Variants in CCDC170 observed in about 807,000 individuals in gnomAD.
CCDC170 encodes coiled-coil domain-containing protein 170.
Under a neutral mutation model 72.6 loss-of-function variants are expected in CCDC170, and 69 were observed. That is an observed-to-expected ratio of 0.95 (90% confidence interval 0.78 to 1.16). The LOEUF is 1.16. CCDC170 is among the 50% of genes most tolerant of loss of function. The pLI is 0.00. For synonymous variants in CCDC170, 300 were observed against 303.9 expected (o/e 0.99, Z 0.13); for missense variants, 852 against 832.5 (o/e 1.02, Z -0.29).
chr6:151,556,419 C>T (rs1782975978), intron 5 of CCDC170, among the ~76,000 whole-genome samples: 1 of 152,352 alleles, frequency 6.6e-6, no homozygotes, highest in South Asian at 2.1e-4. Flanking sequence ...TGAGCCACTG[C>T]ACTCTAGCCT....
chr6:151,506,928 T>C (rs1562265655), intron 1 of CCDC170, among the ~76,000 whole-genome samples: 2 of 152,242 alleles, frequency 1.3e-5, no homozygotes, highest in East Asian at 1.9e-4. Context: ...GTCTCGGGGC[T>C]GCTGGCCTGT....
In CCDC170 at chr6:151,499,583, G is replaced by T. The variant is rs574798931; in HGVS notation, c.57+5398G>T. On this transcript the variant is annotated intron_variant, in intron 1 of 10. Coordinates refer to ENST00000239374, the MANE Select transcript of CCDC170 (RefSeq NM_025059.4). The stretch of plus-strand genomic sequence containing the variant: ...TACTGTATTTGACTATTCTAGGCAC[G>T]CTGTATAAGTGGAATCAGACCGTAT... 9.7e-4 allele frequency among the ~76,000 whole-genome samples: 99 copies of T among 102,254 alleles called. 11 individuals are homozygous for T. The highest frequency in any genetic ancestry group is 2.2e-3 in the South Asian group (7 of 3,244). 67.1% of individuals were successfully genotyped at this position (102,254 alleles called of 152,430 possible).
At chr6:151,548,716 T>TTTAA (rs35886070) in intron 5 of CCDC170, among the ~76,000 whole-genome samples, 90,886 of 149,774 alleles carry the variant, frequency 0.61, 29,945 homozygotes, top group Admixed American at 0.72. Context: ...TAATTTAAAT[T>TTTAA]TTAATTAATT....
At chr6:151,511,587 C>A (rs148643656) in intron 1 of CCDC170, among the ~76,000 whole-genome samples, 14 of 152,280 alleles carry the variant, frequency 9.2e-5, no homozygotes, top group Admixed American at 2.6e-4. Context: ...AACACACAAC[C>A]TTGTAGCTGA....
At chr6:151,613,272 G>A (rs773878740) in intron 9 of CCDC170, among the ~76,000 whole-genome samples, 11 of 152,170 alleles carry the variant, frequency 7.2e-5, no homozygotes, top group South Asian at 2.1e-4. Flanking sequence ...GCATGGTGGC[G>A]CACACCTGTA....
intron 5 of CCDC170, among the ~76,000 whole-genome samples, chr6:151,552,975 A>T (rs892867297): frequency 4.0e-5 from 6 of 151,362 alleles, no homozygotes; most frequent in African/African-American, 1.5e-4. Context: ...TTTAGTAGAG[A>T]GAGGTTTCAC....
intron 6 of CCDC170, among the ~76,000 whole-genome samples, chr6:151,582,986 CTTTTTTTTTT>C (rs35947074): frequency 1.1e-5 from 1 of 94,234 alleles, no homozygotes; most frequent in Non-Finnish European, 1.9e-5. Context: ...TGGAGTAGCA[CTTTTTTTTTT>C]TTTTTTTTTT....
rs567991476 is a variant in CCDC170, at chr6:151,579,856, T to C, written c.1093-6033T>C. Among the ~76,000 whole-genome samples, 7 of 152,358 alleles carry C rather than the reference T, an allele frequency of 4.6e-5. No individual in the cohort carries two copies. In the South Asian group the frequency reaches 1.5e-3, roughly 32 times the overall value. ...TGAACTTCAATATGGTGTGAAATAC[T>C]GTAAATTATCTAAATCAGCTCATTG... On this transcript the variant is annotated intron_variant, in intron 6 of 10. Coordinates refer to ENST00000239374, the MANE Select transcript of CCDC170 (RefSeq NM_025059.4).
intron 1 of CCDC170, 85 bp downstream of exon 1, chr6:151,494,270 C>A: frequency 7.5e-7 from 1 of 1,333,016 alleles, no homozygotes; most frequent in Non-Finnish European, 9.9e-7. Context: ...TGATTTGCAC[C>A]CTTTTCCTCC....
At chr6:151,589,295 C>A (rs951631162) in intron 7 of CCDC170, among the ~76,000 whole-genome samples, 1 of 152,020 alleles carries the variant, frequency 6.6e-6, no homozygotes, top group Admixed American at 6.6e-5. Flanking sequence ...AAAACAACCA[C>A]GACCAAACAA....
At chr6:151,554,369 C>A (rs1052345500) in intron 5 of CCDC170, among the ~76,000 whole-genome samples, 10 of 152,284 alleles carry the variant, frequency 6.6e-5, no homozygotes, top group Admixed American at 3.3e-4. Context: ...GTCAGGCAGG[C>A]CTGGATTTGC....
chr6:151,512,630 CT>C (rs1006047124), intron 1 of CCDC170, among the ~76,000 whole-genome samples: 3 of 152,034 alleles, frequency 2.0e-5, no homozygotes, highest in African/African-American at 7.3e-5. Flanking sequence ...CCTGTGGGTC[CT>C]TGGGTAAGCC....
intron 6 of CCDC170, among the ~76,000 whole-genome samples, chr6:151,578,736 A>C (rs1447584929): frequency 6.6e-6 from 1 of 152,176 alleles, no homozygotes; most frequent in Non-Finnish European, 1.5e-5. Context: ...GGGAAGGAGG[A>C]TTTGGTCGAC....
At chr6:151,605,040 T>C (rs1250675866) in intron 9 of CCDC170, among the ~76,000 whole-genome samples, 1 of 152,210 alleles carries the variant, frequency 6.6e-6, no homozygotes, top group African/African-American at 2.4e-5. Context: ...AACCTTTTCC[T>C]GTGCCCTGCC....
intron 6 of CCDC170, among the ~76,000 whole-genome samples, chr6:151,582,056 C>A (rs1314753655): frequency 6.6e-6 from 1 of 152,188 alleles, no homozygotes; most frequent in Non-Finnish European, 1.5e-5. Flanking sequence ...TGAGCACTGG[C>A]CTCAACTTCA....
Position 151,526,091 on chromosome 6 carries a change from CCTTT to C in CCDC170, c.58-10223_58-10220del, listed in dbSNP as rs1403315624. Among the ~76,000 whole-genome samples the C allele has an allele frequency of 1.3e-3, 191 of 145,776 alleles. 2 individuals are homozygous for C. The highest frequency in any genetic ancestry group is 4.5e-3 in the African/African-American group (166 of 37,260). On this transcript the variant is annotated intron_variant, in intron 1 of 10. Transcript: ENST00000239374. ...CCAGTCCTTCCTTCCTTCCTTCCTT[CCTTT>C]CTTCCTTCCTTCCTTCCTTCCTTTC...
chr6:151,533,354 G>A (rs996300662), intron 1 of CCDC170, among the ~76,000 whole-genome samples: 1 of 151,464 alleles, frequency 6.6e-6, no homozygotes. Context: ...GCACCTGGCC[G>A]ACTATTTCAT....
In CCDC170 at chr6:151,615,455, G is replaced by T. The variant is rs778326205; in HGVS notation, c.1723G>T (p.Glu575Ter). Reference sequence around the variant, plus strand: ...CTTGACTTTCTAGATTAAAACTTTGGAACAGACTAAAGCCATTGAAGATCT... The same window carrying T: ...CTTGACTTTCTAGATTAAAACTTTGTAACAGACTAAAGCCATTGAAGATCT... ...DTNELKIKTL[E>*]QTKAIEDLNK... Residue 575 changes from glutamate to a stop codon, truncating the protein, a stop_gained, in exon 10 of 11, where the codon GAA (glutamate) becomes TAA (stop). Coordinates refer to ENST00000239374, the MANE Select transcript of CCDC170 (RefSeq NM_025059.4). LOFTEE classifies it high-confidence loss of function. 5.8e-5 allele frequency: 94 copies of T among 1,612,326 alleles called. No individual in the cohort carries two copies. Among genetic ancestry groups the T allele is most frequent in the Non-Finnish European group, 7.5e-5 (89 of 1,178,974 alleles).
intron 7 of CCDC170, among the ~76,000 whole-genome samples, chr6:151,590,374 T>G (rs1776516176): frequency 6.6e-6 from 1 of 152,214 alleles, no homozygotes; most frequent in Non-Finnish European, 1.5e-5. Flanking sequence ...CTTCCCTTAC[T>G]ATAAATGAAT....
Sources: allele counts gnomAD v4.1 joint callset (sites outside exome capture counted in the v4.1 genomes callset), GRCh38; gene constraint gnomAD v4.1.1; transcripts MANE v1.5; gene names NCBI Gene and HGNC (gene_info 2026-07-23, HGNC 2026-07-21).